FTCDNL1: variants seen among roughly 807,000 people sequenced by gnomAD.
FTCDNL1 encodes the protein formiminotransferase cyclodeaminase N-terminal like.
A neutral mutation model predicts 5.9 loss-of-function variants in FTCDNL1; 11 were observed. The ratio of observed to expected loss-of-function variants is 1.87; its 90% CI spans 1.18 to 3.10. The LOEUF (loss-of-function observed/expected upper bound fraction) is 3.10. Ranked by LOEUF, FTCDNL1 falls within the 30% of genes most tolerant of loss-of-function variation. The pLI, the probability that FTCDNL1 is intolerant of heterozygous loss-of-function variation, is 0.00. For synonymous variants in FTCDNL1, 58 were observed against 24.8 expected (o/e 2.34, Z -3.99); for missense variants, 115 against 65.5 (o/e 1.76, Z -2.61).
chr2:199,700,776 A>G, the FTCDNL1 span, among the ~76,000 whole-genome samples: 7 of 152,184 alleles, frequency 4.6e-5, no homozygotes, highest in African/African-American at 1.7e-4. Context: ...TGACAATAAC[A>G]AGCAATGGGC....
the FTCDNL1 span, among the ~76,000 whole-genome samples, chr2:199,721,163 A>C: frequency 6.6e-6 from 1 of 152,138 alleles, no homozygotes; most frequent in Admixed American, 6.5e-5. Context: ...CAGGATGTGC[A>C]TCTCTGTTAC....
chr2:199,801,673 G>A (rs771729628), intron 3 of FTCDNL1, among the ~76,000 whole-genome samples: 17 of 151,160 alleles, frequency 1.1e-4, no homozygotes, highest in African/African-American at 3.9e-4. Context: ...GGAATAGGCC[G>A]GGCACGGTGG....
chr2:199,669,958 A>G, the FTCDNL1 span, among the ~76,000 whole-genome samples: 1 of 152,204 alleles, frequency 6.6e-6, no homozygotes, highest in African/African-American at 2.4e-5. Context: ...AGTTGAAACA[A>G]TGAGTTTTTT....
chr2:199,764,725 T>C (rs1698431666), intron 3 of FTCDNL1, among the ~76,000 whole-genome samples: 1 of 152,142 alleles, frequency 6.6e-6, no homozygotes, highest in African/African-American at 2.4e-5. Flanking sequence ...ATTACTAGAA[T>C]GCTGTAAAGA....
chr2:199,832,822 A>G (rs1336882033), intron 3 of FTCDNL1, among the ~76,000 whole-genome samples: 1 of 152,112 alleles, frequency 6.6e-6, no homozygotes, highest in Non-Finnish European at 1.5e-5. Context: ...GATTATCATA[A>G]CCATCCTGAT....
At chr2:199,715,583 C>T in the FTCDNL1 span, among the ~76,000 whole-genome samples, 2,353 of 152,250 alleles carry the variant, frequency 0.015, 61 homozygotes, top group African/African-American at 0.054. Flanking sequence ...TTATAAATTA[C>T]CCAGTCTCGG....
At position 199,821,491 on chromosome 2, in the gene FTCDNL1, G is replaced by A. The variant is rs546756675; in HGVS notation, c.212-1734C>T. Among the ~76,000 whole-genome samples, 6 of 150,970 alleles carry A rather than the reference G, an allele frequency of 4.0e-5. No homozygotes were observed. The South Asian group carries it at 1.3e-3, about 32-fold the overall frequency. ...TTGTTTGTTTGTTTTTTGAGATGGAGTTTCACGCTGTCGCCCAGGCTGCAG... is the reference window on the plus strand; with the variant it reads ...TTGTTTGTTTGTTTTTTGAGATGGAATTTCACGCTGTCGCCCAGGCTGCAG... On this transcript the variant is annotated intron_variant, in intron 3 of 4. Transcript: ENST00000420128.
At chr2:199,724,458 C>A in the FTCDNL1 span, among the ~76,000 whole-genome samples, 1 of 151,956 alleles carries the variant, frequency 6.6e-6, no homozygotes, top group South Asian at 2.1e-4. Context: ...TTCCCTAGTT[C>A]TTTTAGTTGT....
At position 199,776,353 on chromosome 2, in the gene FTCDNL1, C is replaced by A. The variant is rs148323645; in HGVS notation, c.212-15518G>T. Among the ~76,000 whole-genome samples, 1,343 of 152,282 alleles carry A rather than the reference C, an allele frequency of 8.8e-3. 20 individuals are homozygous for A. The highest frequency in any genetic ancestry group is 0.03 in the African/African-American group (1,235 of 41,556). On this transcript the variant is annotated intron_variant, in intron 3 of 3. Transcript: ENST00000416668. ...TTCAGCTAAGGCTTACATACATCCCCAAAACAACACCTCACAACATCCATC... is the reference window on the plus strand; with the variant it reads ...TTCAGCTAAGGCTTACATACATCCCAAAAACAACACCTCACAACATCCATC...
chr2:199,800,400 C>T (rs1449527194), intron 3 of FTCDNL1, among the ~76,000 whole-genome samples: 1 of 152,144 alleles, frequency 6.6e-6, no homozygotes, highest in African/African-American at 2.4e-5. Flanking sequence ...GGCATGTACT[C>T]AGCACACGGC....
chr2:199,745,334 G>A, the FTCDNL1 span, among the ~76,000 whole-genome samples: 1 of 152,172 alleles, frequency 6.6e-6, no homozygotes, highest in African/African-American at 2.4e-5. Flanking sequence ...AATCAAGTAA[G>A]ATTCTGTTTT....
chr2:199,781,633 C>G (rs1699366155), intron 3 of FTCDNL1, among the ~76,000 whole-genome samples: 1 of 152,140 alleles, frequency 6.6e-6, no homozygotes, highest in South Asian at 2.1e-4. Flanking sequence ...TAGGGAAAAA[C>G]CATACATTCT....
chr2:199,799,377 C>T (rs916601251), intron 3 of FTCDNL1, among the ~76,000 whole-genome samples: 2 of 152,182 alleles, frequency 1.3e-5, no homozygotes, highest in Admixed American at 6.5e-5. Context: ...GACACCAAAC[C>T]GTGGAATGCA....
the FTCDNL1 span, among the ~76,000 whole-genome samples, chr2:199,689,403 T>C: frequency 4.6e-5 from 7 of 152,190 alleles, no homozygotes; most frequent in Non-Finnish European, 1.0e-4. Context: ...AGTTATTCCC[T>C]CTGCATGCTC....
chr2:199,668,698 A>G, the FTCDNL1 span, among the ~76,000 whole-genome samples: 22 of 152,176 alleles, frequency 1.4e-4, no homozygotes, highest in Non-Finnish European at 2.5e-4. Flanking sequence ...AATACCTAAA[A>G]TAATATTTTT....
chr2:199,831,055 G>T (rs1036789469), intron 3 of FTCDNL1, among the ~76,000 whole-genome samples: 11 of 152,160 alleles, frequency 7.2e-5, no homozygotes, highest in African/African-American at 2.7e-4. Context: ...ACTCCATCAT[G>T]TTTCATTTCA....
intron 4 of FTCDNL1, 98 bp downstream of exon 4, chr2:199,819,474 T>A: frequency 4.6e-6 from 3 of 656,108 alleles, no homozygotes; most frequent in South Asian, 1.7e-5. Context: ...CAGCCACCCC[T>A]ATAACTCTTC....
At chr2:199,739,925 C>G in the FTCDNL1 span, among the ~76,000 whole-genome samples, 4 of 152,044 alleles carry the variant, frequency 2.6e-5, no homozygotes, top group African/African-American at 9.7e-5. Flanking sequence ...GGCCTAGGAT[C>G]CTGGGACACG....
the FTCDNL1 span, among the ~76,000 whole-genome samples, chr2:199,716,380 T>A: frequency 1.3e-5 from 2 of 152,220 alleles, no homozygotes; most frequent in African/African-American, 4.8e-5. Context: ...CGGTTCCCTG[T>A]ATCCTCATTT....
Sources: gnomAD v4.1 joint callset for allele counts (sites outside exome capture counted in the v4.1 genomes callset) on GRCh38, gnomAD v4.1.1 for gene constraint, MANE v1.5 for transcripts, NCBI Gene and HGNC (gene_info 2026-07-23, HGNC 2026-07-21) for gene names.